Variants in ESRRG observed in about 807,000 individuals in gnomAD.
The protein encoded by ESRRG is estrogen-related receptor gamma.
ESRRG carries 13 observed loss-of-function variants against 44.0 expected under a neutral mutation model. That is an observed-to-expected ratio of 0.30 (90% CI 0.19 to 0.47). The LOEUF (loss-of-function observed/expected upper bound fraction) is 0.47, where lower values mean the gene tolerates loss of function less well. Ranked by LOEUF, ESRRG falls within the 20% of genes least tolerant of loss-of-function variation. ESRRG has a pLI of 1.00. For synonymous variants in ESRRG, 215 were observed against 214.6 expected (o/e 1.00, Z -0.02); for missense variants, 395 against 580.6 (o/e 0.68, Z 3.29).
intron 1 of ESRRG, among the ~76,000 whole-genome samples, chr1:217,010,633 T>C (rs868246711): frequency 1.3e-5 from 2 of 152,202 alleles, no homozygotes; most frequent in South Asian, 4.1e-4. Context: ...CTGAGCCTTG[T>C]CAGAGGTTAT....
In ESRRG at chr1:217,112,839, G is replaced by C. The variant is rs184416087; in HGVS notation, c.-230+24828C>G. Among the ~76,000 whole-genome samples, 38 of 152,258 alleles carry C rather than the reference G, an allele frequency of 2.5e-4. No homozygotes were observed. The East Asian group carries it at 7.1e-3, about 29-fold the overall frequency. On this transcript the variant is annotated intron_variant, in intron 1 of 8. Transcript: ENST00000366940. ...CACAGAAACTTTCAGCCACATGAAG[G>C]GCTTTCTAAGGATCTAAGAGAAAGC...
At chr1:216,802,287 G>C (rs569647992) in intron 2 of ESRRG, among the ~76,000 whole-genome samples, 1 of 152,252 alleles carries the variant, frequency 6.6e-6, no homozygotes, top group South Asian at 2.1e-4. Context: ...AGAAAATGGG[G>C]CATTGGGACA....
intron 1 of ESRRG, among the ~76,000 whole-genome samples, chr1:217,080,427 C>T (rs558899086): frequency 1.3e-5 from 2 of 152,204 alleles, no homozygotes; most frequent in South Asian, 4.2e-4. Context: ...GTCATTACTT[C>T]CAACTCATTA....
chr1:216,740,912 T>TA lies in ESRRG; in HGVS notation c.-13-63422_-13-63421insT, dbSNP rs556770225. The stretch of plus-strand genomic sequence containing the variant: ...TCAAAATGGGATTATATATACATAT[T>TA]GACATTCTTTCATTTTTCCACCTTC... On this transcript the variant is annotated intron_variant, in intron 2 of 7. Transcript: ENST00000359162. 8.5e-3 allele frequency among the ~76,000 whole-genome samples: 1,183 copies of TA among 138,744 alleles called. 6 individuals are homozygous for TA. The highest frequency in any genetic ancestry group is 0.013 in the Non-Finnish European group (842 of 62,490). The allele number at this position is 138,744 out of a possible 152,430, so 91.0% of individuals were successfully genotyped here.
At chr1:217,114,285 T>G (rs1424037488) in intron 1 of ESRRG, among the ~76,000 whole-genome samples, 1 of 151,808 alleles carries the variant, frequency 6.6e-6, no homozygotes, top group South Asian at 2.1e-4. Context: ...AGTTATGTTA[T>G]CCCCTCACAC....
upstream of ESRRG, chr1:216,723,515 C>G: frequency 1.9e-6 from 1 of 528,492 alleles, no homozygotes; most frequent in East Asian, 3.2e-5. Flanking sequence ...CCCACCGGCC[C>G]AGCCGCGCAG....
At chr1:216,705,653 A>G (rs1388850551) in intron 1 of ESRRG, among the ~76,000 whole-genome samples, 2 of 152,222 alleles carry the variant, frequency 1.3e-5, no homozygotes, top group Non-Finnish European at 2.9e-5. Flanking sequence ...GAATGCTTTC[A>G]TGCATTAAAG....
chr1:216,964,461 C>T (rs1278447232), intron 1 of ESRRG, among the ~76,000 whole-genome samples: 3 of 152,148 alleles, frequency 2.0e-5, no homozygotes, highest in Non-Finnish European at 4.4e-5. Flanking sequence ...GGCAACTCTG[C>T]TGAGCAAGTC....
intron 2 of ESRRG, among the ~76,000 whole-genome samples, chr1:216,930,077 G>C (rs1050241705): frequency 6.6e-6 from 1 of 152,126 alleles, no homozygotes; most frequent in African/African-American, 2.4e-5. Context: ...TGGACATTCT[G>C]CCAAGTTTAA....
At position 216,564,376 on chromosome 1, in the gene ESRRG, GT is replaced by G; in HGVS notation, c.704del (p.Asn235ThrfsTer64). Reference sequence around the variant, plus strand: ...CCACCAACAAATGTGAGACAATCTTGTTATCTGCAGGATCAGACCAGAGCAC... The same window carrying G: ...CCACCAACAAATGTGAGACAATCTTGTATCTGCAGGATCAGACCAGAGCAC... ...QLVQPAKKPY[N>X]KIVSHLLVAE... On this transcript the variant is annotated frameshift_variant, in exon 5 of 7. Transcript: ENST00000408911. LOFTEE classifies it high-confidence loss of function. 6.2e-7 allele frequency: 1 copy of G among 1,608,170 alleles called. No homozygotes were observed. Among genetic ancestry groups the G allele is most frequent in the East Asian group, 2.2e-5 (1 of 44,604 alleles).
At chr1:216,646,027 C>T (rs1334247977) in intron 3 of ESRRG, among the ~76,000 whole-genome samples, 1 of 152,026 alleles carries the variant, frequency 6.6e-6, no homozygotes, top group East Asian at 1.9e-4. Context: ...TTCTCTTCTT[C>T]CTCCTCTTCC....
chr1:216,655,485 G>T (rs1405414111), intron 2 of ESRRG, among the ~76,000 whole-genome samples: 2 of 152,098 alleles, frequency 1.3e-5, no homozygotes, highest in Non-Finnish European at 2.9e-5. Context: ...GACTACACTG[G>T]GGTAAAGGAC....
chr1:216,884,889 A>G (rs11117716), intron 2 of ESRRG, among the ~76,000 whole-genome samples: 4,663 of 152,224 alleles, frequency 0.031, 400 homozygotes, highest in East Asian at 0.26. Flanking sequence ...TTCCACACAC[A>G]TGTTCTGCCT....
At chr1:216,634,692 T>C (rs2064938222) in intron 3 of ESRRG, among the ~76,000 whole-genome samples, 1 of 152,126 alleles carries the variant, frequency 6.6e-6, no homozygotes, top group South Asian at 2.1e-4. Context: ...GGGGGGACAG[T>C]CTCCACCTCA....
At chr1:216,939,364 A>AAAAAAAAAAAC (rs1553720877) in intron 2 of ESRRG, among the ~76,000 whole-genome samples, 1 of 133,730 alleles carries the variant, frequency 7.5e-6, no homozygotes, top group East Asian at 2.2e-4. Context: ...AAAAAAAAAA[A>AAAAAAAAAAAC]AAAAAACACT....
intron 3 of ESRRG, among the ~76,000 whole-genome samples, chr1:216,588,517 T>C (rs1255809892): frequency 6.6e-6 from 1 of 152,210 alleles, no homozygotes; most frequent in East Asian, 1.9e-4. Context: ...TTTCAAAGAC[T>C]TTGGAATAAA....
intron 2 of ESRRG, among the ~76,000 whole-genome samples, chr1:216,928,967 T>C (rs543424008): frequency 6.6e-6 from 1 of 152,222 alleles, no homozygotes; most frequent in Non-Finnish European, 1.5e-5. Flanking sequence ...GAAATGGGAA[T>C]TATTGTTGAA....
At chr1:216,927,578 C>T (rs1377110901) in intron 2 of ESRRG, among the ~76,000 whole-genome samples, 1 of 152,222 alleles carries the variant, frequency 6.6e-6, no homozygotes, top group African/African-American at 2.4e-5. Flanking sequence ...AAGGCTAACA[C>T]AATCTTAGGG....
chr1:216,736,840 T>TCTTGCCAATGTCCCAGG (rs1287807645), intron 2 of ESRRG, among the ~76,000 whole-genome samples: 1 of 152,148 alleles, frequency 6.6e-6, no homozygotes, highest in Non-Finnish European at 1.5e-5. Flanking sequence ...GCTCTCCAGG[T>TCTTGCCAATGTCCCAGG]CATTCTGGGA....
Sources: gnomAD v4.1 joint callset for allele counts (sites outside exome capture counted in the v4.1 genomes callset) on GRCh38, gnomAD v4.1.1 for gene constraint, MANE v1.5 for transcripts, NCBI Gene and HGNC (gene_info 2026-07-23, HGNC 2026-07-21) for gene names.